GABPB2: variants seen among roughly 807,000 people sequenced by gnomAD.
The protein encoded by GABPB2 is GA-binding protein subunit beta-2.
Under a neutral mutation model 39.1 loss-of-function variants are expected in GABPB2, and 23 were observed. The observed-to-expected ratio is 0.59, with a 90% CI of 0.42 to 0.83. The LOEUF (loss-of-function observed/expected upper bound fraction) is 0.83, where lower values mean the gene tolerates loss of function less well. Ranked by LOEUF, GABPB2 falls within the 40% of genes least tolerant of loss-of-function variation. The probability of loss-of-function intolerance (pLI) is 0.00; values close to 1 mark genes in which losing one functional copy is unlikely to be tolerated. For synonymous variants in GABPB2, 184 were observed against 199.3 expected, an observed-to-expected ratio of 0.92 and a Z score of 0.65; for missense variants, 467 against 541.1, an observed-to-expected ratio of 0.86 and a Z score of 1.36.
At chr1:151,073,874 C>T (rs11204768) in intron 1 of GABPB2, among the ~76,000 whole-genome samples, 3 of 151,544 alleles carry the variant, frequency 2.0e-5, no homozygotes, top group South Asian at 2.1e-4. Context: ...GAGCCAAGAT[C>T]GCGCCACTGT....
chr1:151,102,293 C>T (rs997057410), intron 5 of GABPB2, among the ~76,000 whole-genome samples: 1 of 152,042 alleles, frequency 6.6e-6, no homozygotes, highest in South Asian at 2.1e-4. Context: ...TGCACTCCAG[C>T]CTGGGAGACA....
chr1:151,071,416 A>G (rs1639160106), intron 1 of GABPB2, among the ~76,000 whole-genome samples: 1 of 149,778 alleles, frequency 6.7e-6, no homozygotes, highest in South Asian at 2.1e-4. Context: ...GGTAATCTGA[A>G]TGAGAGCAGT....
intron 1 of GABPB2, among the ~76,000 whole-genome samples, chr1:151,082,086 T>C (rs2101452710): frequency 1.3e-5 from 2 of 149,918 alleles, no homozygotes; most frequent in African/African-American, 4.9e-5. Flanking sequence ...CTTTTTTTTT[T>C]TTTTTTTTGA....
chr1:151,082,946 A>C (rs1232230248), intron 1 of GABPB2, among the ~76,000 whole-genome samples: 1 of 151,506 alleles, frequency 6.6e-6, no homozygotes, highest in Admixed American at 6.6e-5. Context: ...ACTGCACTCT[A>C]GCCTGGGCAA....
At chr1:151,095,394 C>T (rs186264155) in intron 4 of GABPB2, among the ~76,000 whole-genome samples, 15 of 152,070 alleles carry the variant, frequency 9.9e-5, no homozygotes, top group African/African-American at 9.6e-5. Context: ...ATTATGTGGG[C>T]GATGCATTTG....
intron 7 of GABPB2, among the ~76,000 whole-genome samples, chr1:151,113,337 CGTGCACCT>C (rs1680613610): frequency 6.6e-6 from 1 of 151,972 alleles, no homozygotes; most frequent in Non-Finnish European, 1.5e-5. Context: ...GGCCTGGTGG[CGTGCACCT>C]GTAGTCCCTG....
At chr1:151,117,279 C>A in intron 7 of GABPB2, 113 bp from the exon 8 acceptor site, 1 of 1,153,392 alleles carries the variant, frequency 8.7e-7, no homozygotes, top group Non-Finnish European at 1.2e-6. Flanking sequence ...CAGGCACACA[C>A]CACTGTACCC....
chr1:151,082,062 G>A (rs1408954611), intron 1 of GABPB2, among the ~76,000 whole-genome samples: 4 of 151,204 alleles, frequency 2.6e-5, no homozygotes, highest in Non-Finnish European at 5.9e-5. Context: ...CTTGACAAGT[G>A]GTAATTTCTT....
intron 3 of GABPB2, among the ~76,000 whole-genome samples, chr1:151,091,033 C>CA (rs112572180): frequency 0.026 from 3,765 of 144,132 alleles, 108 homozygotes; most frequent in African/African-American, 0.081. Flanking sequence ...AACAAAAAAA[C>CA]AAAAAAAAAA....
intron 4 of GABPB2, among the ~76,000 whole-genome samples, chr1:151,095,407 TAGA>T (rs1484189214): frequency 3.3e-5 from 5 of 152,132 alleles, no homozygotes; most frequent in Non-Finnish European, 7.4e-5. Context: ...TGCATTTGGA[TAGA>T]AGTTTTTAAA....
intron 2 of GABPB2, 78 bp downstream of exon 2, chr1:151,088,375 A>G (rs1013638935): frequency 2.2e-6 from 3 of 1,354,182 alleles, no homozygotes; most frequent in African/African-American, 1.5e-5. Flanking sequence ...CTAACAGACT[A>G]TTGGTTTTTC....
At chr1:151,101,574 CAAAAAA>C in intron 5 of GABPB2, among the ~76,000 whole-genome samples, 1 of 139,926 alleles carries the variant, frequency 7.1e-6, no homozygotes. Context: ...AACTCCGTCT[CAAAAAA>C]AAAAGAAAAA....
At chr1:151,087,699 A>G (rs1033785329) in intron 1 of GABPB2, among the ~76,000 whole-genome samples, 1 of 152,120 alleles carries the variant, frequency 6.6e-6, no homozygotes, top group Non-Finnish European at 1.5e-5. Context: ...GTCCTGTTTC[A>G]TTGTGCTATC....
At position 151,117,579 on chromosome 1, in the gene GABPB2, T is replaced by C. The variant is rs1036463625; in HGVS notation, c.1047+63T>C. On this transcript the variant is annotated intron_variant, in intron 8 of 8. Coordinates refer to ENST00000368918, the MANE Select transcript of GABPB2 (RefSeq NM_144618.3). ...TTAATTATTAAGGCCTGAACCCTTCTTCATCTTTTCTTTTTTCTTTTTGAG... is the reference window on the plus strand; with the variant it reads ...TTAATTATTAAGGCCTGAACCCTTCCTCATCTTTTCTTTTTTCTTTTTGAG... 9 of 1,540,226 alleles carry C rather than the reference T, an allele frequency of 5.8e-6. No homozygotes were observed. The East Asian group carries it at 1.4e-4, about 23-fold the overall frequency.
At chr1:151,112,754 A>G (rs190910247) in intron 7 of GABPB2, 55 of 180,648 alleles carry the variant, frequency 3.0e-4, no homozygotes, top group Non-Finnish European at 2.2e-4. Flanking sequence ...GCAACGAGGT[A>G]AAAGGAAGGA....
intron 1 of GABPB2, among the ~76,000 whole-genome samples, chr1:151,087,670 T>C (rs1223396777): frequency 6.6e-6 from 1 of 151,968 alleles, no homozygotes; most frequent in Non-Finnish European, 1.5e-5. Flanking sequence ...GTTACAGTTT[T>C]ATTTGGAAAC....
chr1:151,104,775 CTCTTTCTTTCTT>C (rs1553266329), intron 6 of GABPB2, among the ~76,000 whole-genome samples: 2 of 53,522 alleles, frequency 3.7e-5, no homozygotes, highest in African/African-American at 8.1e-5. Context: ...CTTTCTTTCT[CTCTTTCTTTCTT>C]TCTTTCTTTC....
At chr1:151,094,497 C>G (rs1678959842) in intron 4 of GABPB2, among the ~76,000 whole-genome samples, 1 of 150,310 alleles carries the variant, frequency 6.7e-6, no homozygotes, top group Non-Finnish European at 1.5e-5. Context: ...TTACAGGCAC[C>G]TGCCATCATG....
intron 4 of GABPB2, among the ~76,000 whole-genome samples, chr1:151,095,297 A>C (rs1235322652): frequency 6.6e-6 from 1 of 152,190 alleles, no homozygotes; most frequent in Non-Finnish European, 1.5e-5. Flanking sequence ...AAGGAAGTAG[A>C]GTTTGGGAGT....
Sources: allele counts gnomAD v4.1 joint callset (sites outside exome capture counted in the v4.1 genomes callset), GRCh38; gene constraint gnomAD v4.1.1; transcripts MANE v1.5; gene names NCBI Gene and HGNC (gene_info 2026-07-23, HGNC 2026-07-21).